CHCHD3: variants seen among roughly 807,000 people sequenced by gnomAD.
CHCHD3 encodes the protein MICOS complex subunit MIC19.
A neutral mutation model predicts 38.2 loss-of-function variants in CHCHD3; 20 were observed. That is an observed-to-expected ratio of 0.52 (90% CI 0.37 to 0.76). The LOEUF is 0.76. CHCHD3 is among the 30% of genes least tolerant of loss of function. The probability of loss-of-function intolerance (pLI) is 0.00; values close to 1 mark genes in which losing one functional copy is unlikely to be tolerated. For missense variants in CHCHD3, 245 were observed against 279.2 expected (o/e 0.88, Z 0.87); for synonymous variants, 82 against 100.0 (o/e 0.82, Z 1.07).
intron 1 of CHCHD3, among the ~76,000 whole-genome samples, chr7:133,071,425 C>G (rs541796612): frequency 6.6e-6 from 1 of 152,280 alleles, no homozygotes; most frequent in African/African-American, 2.4e-5. Flanking sequence ...TCTTAGTGAA[C>G]TCTTCAATTG....
At position 133,013,206 on chromosome 7, in the gene CHCHD3, A is replaced by AAAAAAAAAAAAG. The variant is rs35863843; in HGVS notation, c.251+11339_251+11340insCTTTTTTTTTTT. On this transcript the variant is annotated intron_variant, in intron 3 of 7. Transcript: ENST00000262570. The stretch of plus-strand genomic sequence containing the variant: ...GCCTCAAAAAAAAAAAAAAAAAAAA[A>AAAAAAAAAAAAG]CATTCAGACAGACATATAATAGGTA... Among the ~76,000 whole-genome samples the AAAAAAAAAAAAG allele has an allele frequency of 4.6e-5, 5 of 108,734 alleles. 2 individuals carry two copies. The highest frequency in any genetic ancestry group is 2.3e-4 in the Admixed American group (2 of 8,630). The allele number at this position is 108,734 out of a possible 152,430, so 71.3% of individuals were successfully genotyped here.
Position 133,058,839 on chromosome 7 carries a change from A to G in CHCHD3, c.169+11303T>C, listed in dbSNP as rs181650637. Among the ~76,000 whole-genome samples the G allele has an allele frequency of 3.1e-3, 479 of 152,368 alleles. 3 individuals carry two copies. In the South Asian group the frequency reaches 0.037, roughly 12 times the overall value. On this transcript the variant is annotated intron_variant, in intron 2 of 7. Coordinates refer to ENST00000262570, the MANE Select transcript of CHCHD3 (RefSeq NM_017812.4). Reference sequence around the variant, plus strand: ...AAAAGGAAGCACTGGGTAAAAGCCCATATGAGCTAAAGCAAATTCTAGAGG... The same window carrying G: ...AAAAGGAAGCACTGGGTAAAAGCCCGTATGAGCTAAAGCAAATTCTAGAGG...
chr7:132,973,307 A>C (rs1315127172), intron 4 of CHCHD3: 2 of 985,338 alleles, frequency 2.0e-6, no homozygotes, highest in Non-Finnish European at 2.4e-6. Context: ...CATGAGCACT[A>C]TTAACCTCCT....
intron 6 of CHCHD3, among the ~76,000 whole-genome samples, chr7:132,796,833 C>T (rs1806630341): frequency 6.6e-6 from 1 of 152,194 alleles, no homozygotes; most frequent in Admixed American, 6.5e-5. Flanking sequence ...ATATAACCAT[C>T]CCTTCCAAAC....
At chr7:133,038,697 G>A (rs1279023102) in intron 2 of CHCHD3, among the ~76,000 whole-genome samples, 2 of 152,122 alleles carry the variant, frequency 1.3e-5, no homozygotes, top group African/African-American at 2.4e-5. Context: ...AAGGTAACCC[G>A]GATAGCATTT....
At chr7:132,828,465 A>C (rs1807562953) in intron 6 of CHCHD3, among the ~76,000 whole-genome samples, 2 of 152,212 alleles carry the variant, frequency 1.3e-5, no homozygotes, top group African/African-American at 4.8e-5. Flanking sequence ...GCAGAATTTT[A>C]AAATTTTATA....
Position 133,070,219 on chromosome 7 carries a change from T to C in CHCHD3, c.92A>G (p.Asn31Ser). The change falls in exon 2 of 8, where the codon AAT (asparagine) becomes AGT (serine). Residue 31 changes from asparagine (N) to serine (S), a missense_variant. By Grantham distance (46) the Asn-to-Ser change is conservative. Transcript: ENST00000262570. ...TVVKGIRLSENVIDRMKESSP... is the reference protein window; with the variant it reads ...TVVKGIRLSESVIDRMKESSP... Reference sequence around the variant, plus strand: ...GGATTCCTTCATTCGATCAATCACATTTTCCGAAAGCTGGAAAAGCAACAT... The same window carrying C: ...GGATTCCTTCATTCGATCAATCACACTTTCCGAAAGCTGGAAAAGCAACAT... The C allele has an allele frequency of 6.2e-7, 1 of 1,613,274 alleles. No individual in the cohort carries two copies. Among genetic ancestry groups the C allele is most frequent in the Non-Finnish European group, 8.5e-7 (1 of 1,179,780 alleles).
intron 4 of CHCHD3, among the ~76,000 whole-genome samples, chr7:132,909,774 T>C (rs748697009): frequency 2.6e-5 from 4 of 152,200 alleles, no homozygotes; most frequent in Non-Finnish European, 5.9e-5. Context: ...ACCTTTATCT[T>C]CTTCTCTACA....
intron 4 of CHCHD3, among the ~76,000 whole-genome samples, chr7:132,933,940 T>C (rs1233658810): frequency 6.6e-6 from 1 of 152,168 alleles, no homozygotes; most frequent in Non-Finnish European, 1.5e-5. Flanking sequence ...ATGTCAAAGG[T>C]ACAGAAGAAG....
chr7:133,072,263 TAAAAAA>T (rs34730303), intron 1 of CHCHD3, among the ~76,000 whole-genome samples: 1 of 150,654 alleles, frequency 6.6e-6, no homozygotes, highest in Non-Finnish European at 1.5e-5. Flanking sequence ...TAATAAACTT[TAAAAAA>T]AAAAAGCTAT....
chr7:132,821,745 A>ACCTTT (rs1563245714), intron 6 of CHCHD3, among the ~76,000 whole-genome samples: 3 of 122,486 alleles, frequency 2.4e-5, no homozygotes, highest in African/African-American at 9.9e-5. Context: ...TAGCACTCAA[A>ACCTTT]TCTTTTTTTT....
chr7:133,046,569 T>G (rs963879762), intron 2 of CHCHD3, among the ~76,000 whole-genome samples: 1 of 74,996 alleles, frequency 1.3e-5, no homozygotes, highest in Non-Finnish European at 2.6e-5. Context: ...ATGTATTTTT[T>G]TGGGGGGGGG....
chr7:132,913,052 G>A lies in CHCHD3; in HGVS notation c.370-27307C>T, dbSNP rs184237769. Among the ~76,000 whole-genome samples the A allele has an allele frequency of 1.7e-4, 26 of 152,338 alleles. No homozygotes were observed. In the East Asian group the frequency reaches 4.1e-3, roughly 24 times the overall value. Reference sequence around the variant, plus strand: ...CACAACAAATGACACTGTCTACCATGTGATGAAAAACCCAGAACATCAATA... The same window carrying A: ...CACAACAAATGACACTGTCTACCATATGATGAAAAACCCAGAACATCAATA... On this transcript the variant is annotated intron_variant, in intron 4 of 7. Coordinates refer to ENST00000262570, the MANE Select transcript of CHCHD3 (RefSeq NM_017812.4).
chr7:133,025,591 G>T (rs537734410), intron 2 of CHCHD3, among the ~76,000 whole-genome samples: 112 of 152,282 alleles, frequency 7.4e-4, no homozygotes, highest in Middle Eastern at 3.4e-3. Context: ...TGTGACCTCC[G>T]CCTCCTGGGT....
At chr7:133,073,743 G>C (rs1267736298) in intron 1 of CHCHD3, among the ~76,000 whole-genome samples, 1 of 152,074 alleles carries the variant, frequency 6.6e-6, no homozygotes, top group African/African-American at 2.4e-5. Context: ...TGTGATAATG[G>C]TAACTCCCTA....
At chr7:133,065,158 A>T (rs1814632873) in intron 2 of CHCHD3, among the ~76,000 whole-genome samples, 1 of 152,206 alleles carries the variant, frequency 6.6e-6, no homozygotes, top group South Asian at 2.1e-4. Flanking sequence ...GCAGCAAAAA[A>T]ATTGAGGCAG....
chr7:132,820,655 T>A (rs1346225136), intron 6 of CHCHD3, among the ~76,000 whole-genome samples: 3 of 147,454 alleles, frequency 2.0e-5, no homozygotes, highest in Non-Finnish European at 4.5e-5. Context: ...TAACATCTAG[T>A]CTTCTTTTCT....
At chr7:133,046,576 G>A (rs1047478462) in intron 2 of CHCHD3, among the ~76,000 whole-genome samples, 6 of 34,690 alleles carry the variant, frequency 1.7e-4, no homozygotes, top group African/African-American at 6.5e-4. Context: ...TTTTTGGGGG[G>A]GGGAGACGGA....
chr7:132,910,405 C>T (rs750065467), intron 4 of CHCHD3, among the ~76,000 whole-genome samples: 1 of 152,216 alleles, frequency 6.6e-6, no homozygotes, highest in Non-Finnish European at 1.5e-5. Flanking sequence ...CTGACAGACA[C>T]AAGTAGGTTT....
Sources: allele counts gnomAD v4.1 joint callset (sites outside exome capture counted in the v4.1 genomes callset), GRCh38; gene constraint gnomAD v4.1.1; transcripts MANE v1.5; gene names NCBI Gene and HGNC (gene_info 2026-07-23, HGNC 2026-07-21).